The following PLEKHG1 variants were observed in gnomAD, a reference collection of about 807,000 sequenced individuals.
PLEKHG1 encodes the protein pleckstrin homology domain-containing family G member 1.
In PLEKHG1, 44 loss-of-function variants were observed where a neutral mutation model predicts 100.8. That is an observed-to-expected ratio of 0.44 (90% CI 0.34 to 0.56). The LOEUF (loss-of-function observed/expected upper bound fraction) is 0.56, where lower values mean the gene tolerates loss of function less well. Among genes scored for constraint, PLEKHG1 ranks in the 20% least tolerant of loss-of-function variants. The pLI is 0.01. For missense variants in PLEKHG1, 1,545 were observed against 1,720.9 expected, an observed-to-expected ratio of 0.90 and a Z score of 1.81; for synonymous variants, 640 against 662.5, an observed-to-expected ratio of 0.97 and a Z score of 0.52.
intron 3 of PLEKHG1, among the ~76,000 whole-genome samples, chr6:150,679,821 A>C (rs1201227264): frequency 2.0e-5 from 3 of 152,242 alleles, no homozygotes; most frequent in African/African-American, 7.2e-5. Context: ...TAAAGGAAAA[A>C]AAAATACAGG....
chr6:150,808,974 A>T, intron 7 of PLEKHG1, 131 bp from the exon 9 acceptor site: 1 of 663,472 alleles, frequency 1.5e-6, no homozygotes, highest in Admixed American at 2.8e-5. Flanking sequence ...AGACCATCAG[A>T]TACCACGTAG....
intron 3 of PLEKHG1, among the ~76,000 whole-genome samples, chr6:150,698,614 A>G (rs1552886): frequency 0.91 from 138,624 of 152,174 alleles, 63,267 homozygotes; most frequent in Non-Finnish European, 0.94. Flanking sequence ...ATTTGGGGAA[A>G]TGAAACAAAA....
intron 1 of PLEKHG1, among the ~76,000 whole-genome samples, chr6:150,721,460 A>G (rs1030239747): frequency 6.6e-6 from 1 of 152,104 alleles, no homozygotes; most frequent in Non-Finnish European, 1.5e-5. Context: ...TCTTAGTTTC[A>G]TCTGATTTTG....
At chr6:150,786,127 A>C (rs963494561) in intron 3 of PLEKHG1, among the ~76,000 whole-genome samples, 12 of 152,030 alleles carry the variant, frequency 7.9e-5, no homozygotes, top group African/African-American at 2.4e-4. Context: ...GATGATGACA[A>C]ACGTCTGCAA....
intron 3 of PLEKHG1, among the ~76,000 whole-genome samples, chr6:150,685,775 C>T (rs897415181): frequency 6.6e-6 from 1 of 151,996 alleles, no homozygotes; most frequent in Non-Finnish European, 1.5e-5. Context: ...TTAGGTGATA[C>T]GGGGAATTTG....
intron 2 of PLEKHG1, among the ~76,000 whole-genome samples, chr6:150,734,819 A>G (rs2128618568): frequency 6.6e-6 from 1 of 152,246 alleles, no homozygotes; most frequent in African/African-American, 2.4e-5. Flanking sequence ...ATTTCATGTG[A>G]ATTGAGCTCA....
chr6:150,616,550 T>C (rs1386648742), intron 1 of PLEKHG1, among the ~76,000 whole-genome samples: 2 of 152,240 alleles, frequency 1.3e-5, no homozygotes, highest in Non-Finnish European at 2.9e-5. Context: ...ATATTTAAAA[T>C]GTTCAACTTT....
Position 150,831,733 on chromosome 6 carries a change from A to G in PLEKHG1, c.2622A>G (p.Ala874=), listed in dbSNP as rs781335656. 1.9e-6 allele frequency: 3 copies of G among 1,613,604 alleles called. No homozygotes were observed. Among genetic ancestry groups the G allele is most frequent in the Admixed American group, 3.3e-5 (2 of 60,024 alleles). ...ATGATGTGCCAGACAGGCTGCACGC[A>G]GAGAGCACCCCTGAGCTGAGCCGGG... The change falls in exon 15 of 16, where the codon GCA becomes GCG. Residue 874 remains alanine (A), a synonymous_variant. Coordinates refer to ENST00000358517, the Ensembl canonical transcript of PLEKHG1. The surrounding 1 kb of genome is among the most constrained non-coding windows in gnomAD (Gnocchi z 4.1).
intron 1 of PLEKHG1, among the ~76,000 whole-genome samples, chr6:150,625,369 C>CT (rs1228003471): frequency 3.3e-5 from 5 of 152,146 alleles, no homozygotes; most frequent in Non-Finnish European, 5.9e-5. Flanking sequence ...ATACTGTCTT[C>CT]TCCCTGTGTC....
intron 4 of PLEKHG1, among the ~76,000 whole-genome samples, chr6:150,788,432 C>T (rs1785761277): frequency 6.6e-6 from 1 of 152,180 alleles, no homozygotes; most frequent in African/African-American, 2.4e-5. Flanking sequence ...CCACTGGGGC[C>T]TGCACAGAGA....
Position 150,734,947 on chromosome 6 carries a change from T to C in PLEKHG1, c.411+855T>C, listed in dbSNP as rs556502997. On this transcript the variant is annotated intron_variant, in intron 2 of 15. Coordinates refer to ENST00000358517, the Ensembl canonical transcript of PLEKHG1. ...AGCTCAGATGTTAACTCACTCTCAA[T>C]TGTAGTTAAAAATATTACTATCTCA... Among the ~76,000 whole-genome samples, 20 of 151,756 alleles carry C rather than the reference T, an allele frequency of 1.3e-4. No homozygotes were observed. The South Asian group carries it at 4.2e-3, about 32-fold the overall frequency.
At chr6:150,681,382 T>C (rs530061811) in intron 3 of PLEKHG1, among the ~76,000 whole-genome samples, 1 of 151,804 alleles carries the variant, frequency 6.6e-6, no homozygotes, top group Non-Finnish European at 1.5e-5. Flanking sequence ...CGTGGTGGCG[T>C]GTGCCTGTAG....
chr6:150,676,214 G>A (rs1368979795), intron 3 of PLEKHG1, among the ~76,000 whole-genome samples: 4 of 152,192 alleles, frequency 2.6e-5, no homozygotes, highest in Non-Finnish European at 4.4e-5. Context: ...AGCAACAATT[G>A]GAGACTTAAT....
At chr6:150,663,434 A>G (rs1582908081) in intron 3 of PLEKHG1, 1 of 152,068 alleles carries the variant, frequency 6.6e-6, no homozygotes, top group African/African-American at 2.4e-5. Context: ...TATATCTTAG[A>G]TTTATAGTGC....
chr6:150,629,600 A>G (rs1777658872), intron 1 of PLEKHG1, among the ~76,000 whole-genome samples: 2 of 152,062 alleles, frequency 1.3e-5, no homozygotes, highest in South Asian at 4.1e-4. Context: ...AGCTGGGACT[A>G]CAGGCACGCG....
In PLEKHG1 at chr6:150,671,212, T is replaced by C. The variant is rs372622140; in HGVS notation, c.-99+20426T>C. 2.1e-4 allele frequency among the ~76,000 whole-genome samples: 32 copies of C among 152,274 alleles called. No homozygotes were observed. The South Asian group carries it at 4.6e-3, about 22-fold the overall frequency. ...TGCTATAAACATGCCTGTGTAAGTA[T>C]CTTTTTTGAATAACGACTTCTTTTC... is the stretch of plus-strand genomic sequence containing the variant. On this transcript the variant is annotated intron_variant, in intron 3 of 3. Coordinates refer to the PLEKHG1 transcript ENST00000367326.
intron 1 of PLEKHG1, among the ~76,000 whole-genome samples, chr6:150,729,704 T>G (rs574467994): frequency 1.3e-5 from 2 of 152,300 alleles, no homozygotes; most frequent in East Asian, 3.9e-4. Flanking sequence ...TAGTTTGGGG[T>G]GGTAAGCTTG....
chr6:150,615,724 G>A (rs935855044), intron 1 of PLEKHG1, among the ~76,000 whole-genome samples: 1 of 152,174 alleles, frequency 6.6e-6, no homozygotes, highest in African/African-American at 2.4e-5. Flanking sequence ...GACCGGATAT[G>A]AGGACAACGA....
intron 7 of PLEKHG1, among the ~76,000 whole-genome samples, chr6:150,805,584 G>A (rs1787025975): frequency 6.6e-6 from 1 of 151,786 alleles, no homozygotes; most frequent in East Asian, 1.9e-4. Flanking sequence ...CTGGAATGCA[G>A]TGGCACAGTC....
Sources: gnomAD v4.1 joint callset for allele counts (sites outside exome capture counted in the v4.1 genomes callset) on GRCh38, gnomAD v4.1.1 for gene constraint, Gnocchi (gnomAD v3.1) non-coding constraint, MANE v1.5 for transcripts, NCBI Gene and HGNC (gene_info 2026-07-23, HGNC 2026-07-21) for gene names.